The following KRT86 variants were observed in gnomAD, a reference collection of about 807,000 sequenced individuals.
KRT86 encodes the protein keratin 86.
KRT86 carries 30 observed loss-of-function variants against 41.2 expected under a neutral mutation model. That is an observed-to-expected ratio of 0.73 (90% CI 0.54 to 0.99). The LOEUF is 0.99. Among genes scored for constraint, KRT86 ranks in the 50% least tolerant of loss-of-function variants. KRT86 has a pLI of 0.00. For missense variants in KRT86, 561 were observed against 571.4 expected, an observed-to-expected ratio of 0.98 and a Z score of 0.19; for synonymous variants, 238 against 238.1, an observed-to-expected ratio of 1.00 and a Z score of 0.00.
intron 2 of KRT86, chr12:52,287,055 C>A (rs751509447): frequency 6.2e-7 from 1 of 1,612,412 alleles, no homozygotes; most frequent in African/African-American, 1.3e-5. Flanking sequence ...TAGGCTTGTG[C>A]CAGGGATGGG....
rs760697549 is a variant in KRT86, at chr12:52,306,178, T to G, written c.1145T>G (p.Met382Arg). 2 of 1,613,852 alleles carry G rather than the reference T, an allele frequency of 1.2e-6. No individual in the cohort carries two copies. The highest frequency in any genetic ancestry group is 2.2e-5 in the South Asian group (2 of 91,066). Residue 382 changes from methionine to arginine, a missense_variant, in exon 9 of 11, where the codon ATG becomes AGG. This residue lies in a region of KRT86 where 397 missense variants were observed against 375.9 expected (regional missense o/e 1.06). Coordinates refer to ENST00000423955, the MANE Select transcript of KRT86 (RefSeq NM_001320198.2). ...EGALQKAKQD[M>R]ACLIREYQEV... ...GCCCTGCAGAAGGCCAAGCAGGACA[T>G]GGCCTGCCTGATCAGGGAGTACCAG... is the stretch of plus-strand genomic sequence containing the variant.
chr12:52,288,648 C>T (rs1938045779), intron 2 of KRT86, among the ~76,000 whole-genome samples: 2 of 152,114 alleles, frequency 1.3e-5, no homozygotes, highest in Non-Finnish European at 2.9e-5. Flanking sequence ...ACCCTGTTTG[C>T]CTTGACCATG....
chr12:52,286,602 CTT>C, intron 2 of KRT86: 1 of 1,296,760 alleles, frequency 7.7e-7, no homozygotes, highest in Non-Finnish European at 1.1e-6. Flanking sequence ...TCAGAAGCAT[CTT>C]TGTGGACAAT....
Position 52,308,683 on chromosome 12 carries a change from C to G in KRT86, c.*98C>G. On this transcript the variant is annotated 3_prime_UTR_variant, in exon 11 of 11. Coordinates refer to ENST00000423955, the MANE Select transcript of KRT86 (RefSeq NM_001320198.2). ...GCCGCCCGCGCCGGCCTCCCAATAGCCGCCGCCCGCTGCCTGCACTCTAAG... is the reference window on the plus strand; with the variant it reads ...GCCGCCCGCGCCGGCCTCCCAATAGGCGCCGCCCGCTGCCTGCACTCTAAG... 8.6e-7 allele frequency: 1 copy of G among 1,168,606 alleles called. No homozygotes were observed. The allele number at this position is 1,168,606 out of a possible 1,614,324, so 72.4% of individuals were successfully genotyped here.
chr12:52,287,349 G>T (rs1329040690), intron 2 of KRT86: 3 of 1,613,520 alleles, frequency 1.9e-6, no homozygotes, highest in Non-Finnish European at 2.5e-6. Flanking sequence ...GAACAAGGTA[G>T]ATTAGAGTCC....
rs1938317612 is a variant in KRT86 at position 52,299,242 on chromosome 12, C to T, written c.-4-2671C>T. On this transcript the variant is annotated intron_variant, in intron 2 of 10. Coordinates refer to ENST00000423955, the MANE Select transcript of KRT86 (RefSeq NM_001320198.2). The stretch of plus-strand genomic sequence containing the variant: ...TCAATTATTTTCCCTAACATAATGT[C>T]CTCCAGTTCCATCCATGTTGTTGCA... Among the ~76,000 whole-genome samples, 3 of 152,172 alleles carry T rather than the reference C, an allele frequency of 2.0e-5. No individual in the cohort carries two copies. In the South Asian group the frequency reaches 6.2e-4, roughly 31 times the overall value.
rs11170086 is a variant in KRT86, at chr12:52,306,119, C to T, written c.1086C>T (p.Ser362=). 1.6e-3 allele frequency: 2,563 copies of T among 1,611,942 alleles called. 60 individuals carry two copies. The African/African-American group carries it at 0.03, about 19-fold the overall frequency. Residue 362 remains serine, a synonymous_variant, in exon 9 of 11, where the codon AGC becomes AGT. Transcript: ENST00000423955. ...QSEQQGEAAL[S]DARCKLAELE... ...AGCAGCAGGGTGAGGCGGCCCTCAG[C>T]GATGCCCGCTGCAAGTTGGCCGAGC...
chr12:52,308,084 G>C, intron 9 of KRT86, 149 bp from the exon 10 acceptor site: 1 of 946,852 alleles, frequency 1.1e-6, no homozygotes, highest in South Asian at 1.5e-5. Flanking sequence ...GGTGACCCGA[G>C]TCTACACTGG....
chr12:52,301,006 G>A (rs563791856), intron 2 of KRT86, among the ~76,000 whole-genome samples: 1 of 152,260 alleles, frequency 6.6e-6, no homozygotes, highest in South Asian at 2.1e-4. Context: ...TCTCAGCCGA[G>A]GCTGGCCAAT....
intron 10 of KRT86, 65 bp downstream of exon 10, chr12:52,308,329 C>T (rs1418629819): frequency 1.6e-5 from 26 of 1,612,914 alleles, no homozygotes; most frequent in African/African-American, 4.0e-5. Flanking sequence ...GCAAAGGGCG[C>T]GTGGGCTCGC....
At chr12:52,289,026 T>G (rs1437170680) in intron 2 of KRT86, among the ~76,000 whole-genome samples, 2 of 124,724 alleles carry the variant, frequency 1.6e-5, no homozygotes, top group Admixed American at 8.4e-5. Context: ...CTGGTAGATA[T>G]TCCCAAGTCA....
chr12:52,292,482 G>C (rs907058848), intron 2 of KRT86, among the ~76,000 whole-genome samples: 1 of 152,122 alleles, frequency 6.6e-6, no homozygotes, highest in African/African-American at 2.4e-5. Context: ...AGTAAATCTT[G>C]AGCTGGGATG....
intron 2 of KRT86, chr12:52,287,540 G>A: frequency 1.2e-6 from 2 of 1,613,864 alleles, no homozygotes; most frequent in South Asian, 2.2e-5. Flanking sequence ...CACATAGGCT[G>A]TGTGACAATG....
At chr12:52,277,459 G>A (rs572781261) in intron 2 of KRT86, 2 of 152,384 alleles carry the variant, frequency 1.3e-5, no homozygotes, top group East Asian at 3.9e-4. Context: ...GGGGGAAGGA[G>A]TGAGGGCCAA....
chr12:52,297,955 A>G (rs1434485634), intron 2 of KRT86, among the ~76,000 whole-genome samples: 1 of 152,212 alleles, frequency 6.6e-6, no homozygotes, highest in Non-Finnish European at 1.5e-5. Context: ...ACCAATCAGG[A>G]GGTTTTAGGA....
intron 2 of KRT86, among the ~76,000 whole-genome samples, chr12:52,294,924 G>T (rs978011071): frequency 1.3e-5 from 2 of 152,152 alleles, no homozygotes; most frequent in African/African-American, 4.8e-5. Flanking sequence ...TTCATTAAAT[G>T]TTGCTTCCTG....
chr12:52,298,244 T>C (rs957502986), intron 2 of KRT86, among the ~76,000 whole-genome samples: 3 of 152,158 alleles, frequency 2.0e-5, no homozygotes, highest in Non-Finnish European at 2.9e-5. Flanking sequence ...TTGGGGTTCT[T>C]TTCGAGGACA....
At chr12:52,306,034 T>A in intron 8 of KRT86, 26 bp from the exon 9 acceptor site, 1 of 1,613,330 alleles carries the variant, frequency 6.2e-7, no homozygotes. Flanking sequence ...GACTCTAATC[T>A]ACCTTGTTCT....
Position 52,301,990 on chromosome 12 carries a change from G to A in KRT86, c.74G>A (p.Cys25Tyr). 6.2e-7 allele frequency: 1 copy of A among 1,613,132 alleles called. No individual in the cohort carries two copies. Among genetic ancestry groups the A allele is most frequent in the Non-Finnish European group, 8.5e-7 (1 of 1,179,586 alleles). Residue 25 changes from cysteine (C) to tyrosine (Y), a missense_variant, in exon 3 of 11, where the codon TGC (cysteine) becomes TAC (tyrosine). Physicochemically the swap from Cys to Tyr is radical, Grantham distance 194. Coordinates refer to ENST00000423955, the MANE Select transcript of KRT86 (RefSeq NM_001320198.2). ...ISACGPRPGR[C>Y]CITAAPYRGI... The stretch of plus-strand genomic sequence containing the variant: ...GCCTGCGGGCCCCGGCCCGGCCGCT[G>A]CTGCATCACCGCCGCCCCCTACCGT...
Sources: gnomAD v4.1 joint callset for allele counts (sites outside exome capture counted in the v4.1 genomes callset) on GRCh38, gnomAD v4.1.1 for gene constraint, gnomAD v4.1.1 regional missense constraint, MANE v1.5 for transcripts, NCBI Gene and HGNC (gene_info 2026-07-23, HGNC 2026-07-21) for gene names.